XKR6: variants seen among roughly 807,000 people sequenced by gnomAD.
XKR6 encodes XK related 6.
A neutral mutation model predicts 56.7 loss-of-function variants in XKR6; 22 were observed. The observed-to-expected ratio is 0.39, with a 90% CI of 0.28 to 0.55. XKR6 has a LOEUF of 0.55. Among genes scored for constraint, XKR6 ranks in the 20% least tolerant of loss-of-function variants. The probability of loss-of-function intolerance (pLI) is 0.66; values close to 1 mark genes in which losing one functional copy is unlikely to be tolerated. For missense variants in XKR6, 852 were observed against 889.0 expected, an observed-to-expected ratio of 0.96 and a Z score of 0.53; for synonymous variants, 524 against 387.8, an observed-to-expected ratio of 1.35 and a Z score of -4.13.
intron 1 of XKR6, among the ~76,000 whole-genome samples, chr8:10,961,159 G>A (rs944891469): frequency 6.6e-6 from 1 of 152,162 alleles, no homozygotes; most frequent in Non-Finnish European, 1.5e-5. Flanking sequence ...CCCAGCAGAA[G>A]AAGTTGCATT....
chr8:11,166,604 C>T (rs1390230354), intron 1 of XKR6, among the ~76,000 whole-genome samples: 8 of 150,110 alleles, frequency 5.3e-5, no homozygotes, highest in Non-Finnish European at 1.0e-4. Context: ...TGGAGTTTCA[C>T]TCTTGTCGCT....
intron 1 of XKR6, among the ~76,000 whole-genome samples, chr8:11,190,505 A>C (rs956129117): frequency 1.3e-5 from 2 of 152,092 alleles, no homozygotes; most frequent in African/African-American, 4.8e-5. Flanking sequence ...GGTACTGAAA[A>C]CTGTGTCCTA....
At chr8:10,991,306 G>T (rs1453595715) in intron 1 of XKR6, among the ~76,000 whole-genome samples, 2 of 152,022 alleles carry the variant, frequency 1.3e-5, no homozygotes, top group African/African-American at 4.8e-5. Context: ...AGCTGTCCAG[G>T]GTCACAATCC....
chr8:11,112,437 G>T (rs1440024107), intron 1 of XKR6, among the ~76,000 whole-genome samples: 1 of 151,918 alleles, frequency 6.6e-6, no homozygotes, highest in Non-Finnish European at 1.5e-5. Flanking sequence ...CAATTTTTTG[G>T]CAAAAGAAAT....
intron 1 of XKR6, among the ~76,000 whole-genome samples, chr8:11,048,607 G>A (rs1176734251): frequency 3.9e-5 from 6 of 152,270 alleles, no homozygotes; most frequent in African/African-American, 1.2e-4. Flanking sequence ...CCGAGGATTC[G>A]GATGCACGGT....
chr8:10,910,922 C>T (rs1027384551), intron 2 of XKR6, among the ~76,000 whole-genome samples: 7 of 152,164 alleles, frequency 4.6e-5, no homozygotes, highest in African/African-American at 1.4e-4. Context: ...TGGAGATGGC[C>T]GTCTGCTTTC....
chr8:11,088,064 A>C (rs934374684), intron 1 of XKR6, among the ~76,000 whole-genome samples: 2 of 152,240 alleles, frequency 1.3e-5, no homozygotes, highest in Non-Finnish European at 2.9e-5. Context: ...GATGCAAACA[A>C]GATAAGTAGC....
chr8:11,099,070 G>A (rs78111630), intron 1 of XKR6, among the ~76,000 whole-genome samples: 1,887 of 152,182 alleles, frequency 0.012, 36 homozygotes, highest in African/African-American at 0.043. Flanking sequence ...AGGTAGGCAC[G>A]CTGTCCATTT....
intron 1 of XKR6, among the ~76,000 whole-genome samples, chr8:11,090,982 C>T (rs1046525465): frequency 6.6e-6 from 1 of 152,028 alleles, no homozygotes; most frequent in Non-Finnish European, 1.5e-5. Flanking sequence ...AAAAGAGGCA[C>T]AACTCGAGCC....
intron 1 of XKR6, among the ~76,000 whole-genome samples, chr8:11,085,402 G>A (rs1002004548): frequency 2.6e-5 from 4 of 152,166 alleles, no homozygotes; most frequent in East Asian, 1.9e-4. Flanking sequence ...CCTAGCCCAC[G>A]GAGAGTGCCA....
At chr8:11,080,691 T>C (rs1161492623) in intron 1 of XKR6, among the ~76,000 whole-genome samples, 2 of 152,172 alleles carry the variant, frequency 1.3e-5, no homozygotes, top group East Asian at 1.9e-4. Flanking sequence ...TAGGAAATAA[T>C]TCGGAGGAGG....
intron 1 of XKR6, among the ~76,000 whole-genome samples, chr8:10,998,198 T>C (rs1384281960): frequency 2.0e-5 from 3 of 151,814 alleles, no homozygotes; most frequent in Non-Finnish European, 4.4e-5. Flanking sequence ...CTGAGACAGC[T>C]AGCCTTGCAC....
intron 1 of XKR6, among the ~76,000 whole-genome samples, chr8:11,150,447 C>G (rs972391968): frequency 2.0e-5 from 3 of 152,134 alleles, no homozygotes; most frequent in African/African-American, 7.2e-5. Flanking sequence ...AATTTGATTA[C>G]GTAAAGTCCC....
intron 1 of XKR6, among the ~76,000 whole-genome samples, chr8:11,065,570 T>C (rs752099864): frequency 2.0e-5 from 3 of 152,176 alleles, no homozygotes; most frequent in Admixed American, 6.5e-5. Flanking sequence ...TTTGCATTTT[T>C]ACTTAATACG....
intron 1 of XKR6, among the ~76,000 whole-genome samples, chr8:11,140,043 C>T (rs1209492906): frequency 6.6e-6 from 1 of 150,996 alleles, no homozygotes; most frequent in Non-Finnish European, 1.5e-5. Flanking sequence ...TCGTTTTATA[C>T]ATAAAGATTA....
chr8:10,930,057 G>A (rs574575254), intron 1 of XKR6, among the ~76,000 whole-genome samples: 1 of 151,580 alleles, frequency 6.6e-6, no homozygotes, highest in South Asian at 2.1e-4. Flanking sequence ...AAGCCACACC[G>A]TCAGTCATGG....
intron 1 of XKR6, among the ~76,000 whole-genome samples, chr8:11,061,582 C>T (rs1413637043): frequency 3.3e-5 from 5 of 152,212 alleles, no homozygotes; most frequent in Non-Finnish European, 5.9e-5. Flanking sequence ...GAGTGTCTCC[C>T]TCATGCACAT....
chr8:10,924,932 A>C (rs4841459), intron 1 of XKR6, 102 bp from the exon 2 acceptor site: 652,137 of 1,258,492 alleles, frequency 0.52, 177,999 homozygotes, highest in African/African-American at 0.74. Flanking sequence ...GCATCCCCCC[A>C]ACTCCCTATG....
chr8:11,198,481 G>A (rs1337330922), intron 1 of XKR6, among the ~76,000 whole-genome samples: 4 of 150,938 alleles, frequency 2.7e-5, no homozygotes, highest in South Asian at 4.2e-4. Flanking sequence ...AAAGTCACAG[G>A]CACTTTATAT....
Sources: gnomAD v4.1 joint callset for allele counts (sites outside exome capture counted in the v4.1 genomes callset) on GRCh38, gnomAD v4.1.1 for gene constraint, MANE v1.5 for transcripts, NCBI Gene and HGNC (gene_info 2026-07-23, HGNC 2026-07-21) for gene names.